Variants in EEF1AKMT2 observed in about 807,000 individuals in gnomAD.
EEF1AKMT2 encodes EEF1A lysine methyltransferase 2.
In EEF1AKMT2, 32 loss-of-function variants were observed where a neutral mutation model predicts 35.8. That is an observed-to-expected ratio of 0.89 (90% CI 0.67 to 1.20). The LOEUF (loss-of-function observed/expected upper bound fraction) is 1.20. Among genes scored for constraint, EEF1AKMT2 ranks in the 50% most tolerant of loss-of-function variants. The probability of loss-of-function intolerance (pLI) is 0.00; values close to 1 mark genes in which losing one functional copy is unlikely to be tolerated. For missense variants in EEF1AKMT2, 330 were observed against 347.5 expected, an observed-to-expected ratio of 0.95 and a Z score of 0.40; for synonymous variants, 121 against 133.7, an observed-to-expected ratio of 0.91 and a Z score of 0.65.
intron 5 of EEF1AKMT2, among the ~76,000 whole-genome samples, chr10:124,764,658 A>G (rs957736710): frequency 4.6e-5 from 7 of 152,208 alleles, no homozygotes; most frequent in Non-Finnish European, 8.8e-5. Context: ...TCTGAAACCA[A>G]GAACTGTTCT....
chr10:124,788,756 A>G (rs1396927514), intron 3 of EEF1AKMT2, among the ~76,000 whole-genome samples: 3 of 134,706 alleles, frequency 2.2e-5, no homozygotes, highest in Admixed American at 8.1e-5. Context: ...GAGCTACAAG[A>G]AACCAATAGC....
At chr10:124,791,690 C>A (rs536650041) in intron 1 of EEF1AKMT2, 34 bp downstream of exon 1, 1 of 1,552,088 alleles carries the variant, frequency 6.4e-7, no homozygotes, top group Non-Finnish European at 8.7e-7. Flanking sequence ...CAGGGCGGCA[C>A]GGCTCATCCT....
At chr10:124,763,237 T>TA (rs1950347508) in intron 5 of EEF1AKMT2, among the ~76,000 whole-genome samples, 2 of 152,172 alleles carry the variant, frequency 1.3e-5, no homozygotes, top group Admixed American at 1.3e-4. Flanking sequence ...GACATCAAAT[T>TA]AGAACATGGG....
rs1219707914 is a variant in EEF1AKMT2 at position 124,765,376 on chromosome 10, C to A, written c.616+16G>T. 6.2e-7 allele frequency: 1 copy of A among 1,600,054 alleles called. No individual in the cohort carries two copies. The highest frequency in any genetic ancestry group is 1.3e-5 in the African/African-American group (1 of 74,616). On this transcript the variant is annotated intron_variant, in intron 5 of 6. Transcript: ENST00000368836. ...CCTGAGGTAAGCACACATTTAAACA[C>A]CATATAGTCACTTACCTTCACTGAA...
At chr10:124,785,340 G>A (rs1399339492) in intron 3 of EEF1AKMT2, among the ~76,000 whole-genome samples, 1 of 151,318 alleles carries the variant, frequency 6.6e-6, no homozygotes, top group East Asian at 1.9e-4. Flanking sequence ...CCCTGTGTTA[G>A]GCAGAGTCCT....
intron 3 of EEF1AKMT2, among the ~76,000 whole-genome samples, chr10:124,781,807 G>A (rs1950542845): frequency 6.7e-6 from 1 of 149,454 alleles, no homozygotes; most frequent in African/African-American, 2.4e-5. Flanking sequence ...ATATCTAGGT[G>A]AATATAATTA....
chr10:124,768,007 TA>T (rs1950394515), intron 4 of EEF1AKMT2, among the ~76,000 whole-genome samples: 1 of 151,944 alleles, frequency 6.6e-6, no homozygotes, highest in African/African-American at 2.4e-5. Context: ...AACAAATAAA[TA>T]AATAAAGTTT....
chr10:124,784,264 G>T (rs1950566162), intron 3 of EEF1AKMT2, among the ~76,000 whole-genome samples: 1 of 151,956 alleles, frequency 6.6e-6, no homozygotes, highest in Non-Finnish European at 1.5e-5. Context: ...AACTGAATTA[G>T]ACTATAAATC....
At chr10:124,764,669 A>G (rs1397047042) in intron 5 of EEF1AKMT2, among the ~76,000 whole-genome samples, 3 of 152,216 alleles carry the variant, frequency 2.0e-5, no homozygotes, top group Admixed American at 6.5e-5. Context: ...GAACTGTTCT[A>G]TCATCTCTGA....
chr10:124,775,676 T>G (rs1950481738), intron 3 of EEF1AKMT2, among the ~76,000 whole-genome samples: 1 of 152,216 alleles, frequency 6.6e-6, no homozygotes, highest in African/African-American at 2.4e-5. Context: ...TTTTTAACCC[T>G]AAGTAACTGA....
chr10:124,773,178 T>G (rs1291732332), intron 4 of EEF1AKMT2, among the ~76,000 whole-genome samples: 1 of 151,844 alleles, frequency 6.6e-6, no homozygotes, highest in Non-Finnish European at 1.5e-5. Flanking sequence ...GAGGTGGGGG[T>G]TGTTTATTTT....
chr10:124,775,174 A>G (rs543799202), intron 3 of EEF1AKMT2, among the ~76,000 whole-genome samples: 66 of 152,224 alleles, frequency 4.3e-4, no homozygotes, highest in Non-Finnish European at 8.2e-4. Flanking sequence ...TGCAAATGTA[A>G]TAAGCTATCA....
chr10:124,776,897 A>C (rs1248575303), intron 3 of EEF1AKMT2, among the ~76,000 whole-genome samples: 1 of 152,158 alleles, frequency 6.6e-6, no homozygotes, highest in Non-Finnish European at 1.5e-5. Flanking sequence ...AATAAAAAAA[A>C]AATCAGCAAA....
At chr10:124,789,974 C>T (rs1950620126) in intron 2 of EEF1AKMT2, among the ~76,000 whole-genome samples, 2 of 151,560 alleles carry the variant, frequency 1.3e-5, no homozygotes, top group Non-Finnish European at 1.5e-5. Context: ...TCACTGCAAT[C>T]TCCGCCTCCC....
intron 3 of EEF1AKMT2, among the ~76,000 whole-genome samples, chr10:124,783,255 C>A (rs189895855): frequency 6.4e-4 from 97 of 150,696 alleles, no homozygotes; most frequent in African/African-American, 2.3e-3. Flanking sequence ...ATTCTCCCAC[C>A]TCAGCCTCCT....
chr10:124,782,928 A>G lies in EEF1AKMT2; in HGVS notation c.291+6115T>C, dbSNP rs1165376961. 5 of 418,162 alleles carry G rather than the reference A, an allele frequency of 1.2e-5. No homozygotes were observed. The East Asian group carries it at 2.8e-4, about 24-fold the overall frequency. The allele number at this position is 418,162 out of a possible 1,614,324, so 25.9% of individuals were successfully genotyped here. On this transcript the variant is annotated intron_variant, in intron 3 of 6. Coordinates refer to ENST00000368836, the MANE Select transcript of EEF1AKMT2 (RefSeq NM_212554.4). ...TCTAAATACACCAGTTAAAGGTTAG[A>G]GATTGTTAGAATAGATAAAAATAAC...
rs748638458 is a variant in EEF1AKMT2, at chr10:124,791,785, A to T, written c.49T>A (p.Ser17Thr). Residue 17 changes from serine to threonine, a missense_variant, in exon 1 of 7, where the codon TCG (serine) becomes ACG (threonine). By Grantham distance (58) the Ser-to-Thr change is moderately conservative (BLOSUM62 1). Coordinates refer to ENST00000368836, the MANE Select transcript of EEF1AKMT2 (RefSeq NM_212554.4). ...GGGGAAVAAR[S>T]DKGSPGEDGF... ...TCCTCCCCGGGACTGCCCTTGTCCG[A>T]CCGCGCCGCCACCGCAGCGCCACCG... is the stretch of plus-strand genomic sequence containing the variant. The T allele has an allele frequency of 5.8e-5, 93 of 1,592,484 alleles. No homozygotes were observed. The highest frequency in any genetic ancestry group is 2.7e-5 in the African/African-American group (2 of 74,484).
intron 4 of EEF1AKMT2, among the ~76,000 whole-genome samples, chr10:124,771,111 T>G (rs1950429739): frequency 6.6e-6 from 1 of 151,882 alleles, no homozygotes. Flanking sequence ...TTTTCTTTTT[T>G]TTTTTTGAGA....
intron 4 of EEF1AKMT2, among the ~76,000 whole-genome samples, chr10:124,769,218 C>CAAAAAAAAA (rs1554917142): frequency 1.3e-4 from 4 of 31,300 alleles, no homozygotes; most frequent in Non-Finnish European, 1.7e-4. Context: ...ACACTGTCTC[C>CAAAAAAAAA]AAAAAAAAAA....
Sources: gnomAD v4.1 joint callset for allele counts (sites outside exome capture counted in the v4.1 genomes callset) on GRCh38, gnomAD v4.1.1 for gene constraint, MANE v1.5 for transcripts, NCBI Gene and HGNC (gene_info 2026-07-23, HGNC 2026-07-21) for gene names.